SEPTIN9: variants seen among roughly 807,000 people sequenced by gnomAD.
SEPTIN9 encodes the protein septin-9.
Under a neutral mutation model 56.6 loss-of-function variants are expected in SEPTIN9, and 13 were observed. The ratio of observed to expected loss-of-function variants is 0.23; its 90% CI spans 0.15 to 0.37. SEPTIN9 has a LOEUF of 0.37. Among genes scored for constraint, SEPTIN9 ranks in the 10% least tolerant of loss-of-function variants. SEPTIN9 has a pLI of 1.00. For synonymous variants in SEPTIN9, 332 were observed against 334.1 expected, an observed-to-expected ratio of 0.99 and a Z score of 0.07; for missense variants, 650 against 823.1, an observed-to-expected ratio of 0.79 and a Z score of 2.57.
At chr17:77,409,747 G>A (rs140674629) in intron 3 of SEPTIN9, among the ~76,000 whole-genome samples, 27 of 152,334 alleles carry the variant, frequency 1.8e-4, no homozygotes, top group South Asian at 4.1e-4. Flanking sequence ...GGGATTGAGG[G>A]TCTGCACAAT....
At chr17:77,320,040 C>T in intron 2 of SEPTIN9, 1 of 1,377,718 alleles carries the variant, frequency 7.3e-7, no homozygotes, top group Non-Finnish European at 9.4e-7. Context: ...TCTCCTGCCT[C>T]CTATTTTTGG....
chr17:77,350,333 A>C (rs550325971), intron 2 of SEPTIN9, among the ~76,000 whole-genome samples: 1 of 152,258 alleles, frequency 6.6e-6, no homozygotes, highest in East Asian at 1.9e-4. Context: ...AAAGGCAGAA[A>C]CTCACCCTTC....
rs981294872 is a variant in SEPTIN9 at position 77,369,209 on chromosome 17, G to A, written c.77-32850G>A. 6.6e-5 allele frequency among the ~76,000 whole-genome samples: 10 copies of A among 152,142 alleles called. No individual in the cohort carries two copies. The highest frequency in any genetic ancestry group is 4.1e-4 in the South Asian group (2 of 4,832). On this transcript the variant is annotated intron_variant, in intron 2 of 11. Coordinates refer to ENST00000427177, the MANE Select transcript of SEPTIN9 (RefSeq NM_001113491.2). This position sits in a 1 kb window ranked among gnomAD's most constrained non-coding sequence, Gnocchi z 4.9. Reference sequence around the variant, plus strand: ...GGATTGCCCCACTGCACTCCAGACCGGGTGACAGAGTGAGACCCTGTCAAA... The same window carrying A: ...GGATTGCCCCACTGCACTCCAGACCAGGTGACAGAGTGAGACCCTGTCAAA...
intron 1 of SEPTIN9, among the ~76,000 whole-genome samples, chr17:77,303,386 C>G (rs2032140066): frequency 1.3e-5 from 2 of 151,158 alleles, no homozygotes; most frequent in Admixed American, 1.3e-4. Flanking sequence ...GCGTGAGTCA[C>G]CATGCCTGGC....
At position 77,443,661 on chromosome 17, in the gene SEPTIN9, G is replaced by A. The variant is rs2037630535; in HGVS notation, c.722-38483G>A. ...TACAAAAAAAAATTAGCTTGGCGTG[G>A]CGGCGCATGCTTGTAATCCCAGCTA... is the stretch of plus-strand genomic sequence containing the variant. On this transcript the variant is annotated intron_variant, in intron 3 of 11. Transcript: ENST00000427177. 2.6e-5 allele frequency among the ~76,000 whole-genome samples: 4 copies of A among 152,190 alleles called. No individual in the cohort carries two copies. In the South Asian group the frequency reaches 8.3e-4, roughly 32 times the overall value.
At chr17:77,377,479 A>G (rs2034974036) in intron 2 of SEPTIN9, among the ~76,000 whole-genome samples, 1 of 151,962 alleles carries the variant, frequency 6.6e-6, no homozygotes, top group Non-Finnish European at 1.5e-5. Context: ...ACACCGAGAA[A>G]GAATCCAAAA....
chr17:77,402,275 C>T lies in SEPTIN9; in HGVS notation c.293C>T (p.Pro98Leu). ...ASLRRVELSG[P>L]KAAEPVSRRT... ...CTGCGGAGGGTGGAGCTCTCGGGCC[C>T]CAAGGCGGCCGAGCCGGTGTCCCGG... Residue 98 changes from proline to leucine, a missense_variant, in exon 3 of 12, where the codon CCC becomes CTC. Physicochemically the swap from Pro to Leu is moderately conservative, Grantham distance 98 (BLOSUM62 -3). Around this residue, in one of 2 missense-constraint regions of SEPTIN9, gnomAD observed 317 missense variants for 329.1 expected, o/e 0.96. Coordinates refer to ENST00000427177, the MANE Select transcript of SEPTIN9 (RefSeq NM_001113491.2). The surrounding 1 kb of genome is among the most constrained non-coding windows in gnomAD (Gnocchi z 6.6). The T allele has an allele frequency of 6.2e-7, 1 of 1,612,126 alleles. No individual in the cohort carries two copies. Among genetic ancestry groups the T allele is most frequent in the Non-Finnish European group, 8.5e-7 (1 of 1,179,748 alleles).
In SEPTIN9 at chr17:77,499,667, C is replaced by T. The variant is rs1036122889; in HGVS notation, c.*1009C>T. 1.2e-5 allele frequency: 5 copies of T among 419,296 alleles called. No individual in the cohort carries two copies. The highest frequency in any genetic ancestry group is 2.2e-5 in the South Asian group (1 of 45,034). The allele number at this position is 419,296 out of a possible 1,614,324, so 26.0% of individuals were successfully genotyped here. ...AAGTGTGTGTGTGTCCATGTGTATG[C>T]GTGTCCGTCTGTCTGTCTAGTGTCT... On this transcript the variant is annotated 3_prime_UTR_variant, in exon 12 of 12. Coordinates refer to ENST00000427177, the MANE Select transcript of SEPTIN9 (RefSeq NM_001113491.2).
At position 77,400,529 on chromosome 17, in the gene SEPTIN9, AG is replaced by A. The variant is rs1213420866; in HGVS notation, c.77-1525del. On this transcript the variant is annotated intron_variant, in intron 2 of 11. Transcript: ENST00000427177. This position sits in a 1 kb window ranked among gnomAD's most constrained non-coding sequence, Gnocchi z 4.1. ...GCTGGCAGCTGAGGCGGCCAGGGTT[AG>A]GGGGTTGGGCTTCCTCTTCCCCTCC... 1.3e-5 allele frequency: 2 copies of A among 152,112 alleles called. No homozygotes were observed. Among genetic ancestry groups the A allele is most frequent in the Non-Finnish European group, 2.9e-5 (2 of 68,048 alleles). The allele number at this position is 152,112 out of a possible 1,614,324, so 9.4% of individuals were successfully genotyped here.
intron 3 of SEPTIN9, among the ~76,000 whole-genome samples, chr17:77,466,953 CTG>C (rs1263616071): frequency 1.3e-5 from 2 of 152,142 alleles, no homozygotes; most frequent in African/African-American, 4.8e-5. Context: ...CGGCTGGGCT[CTG>C]TGGGGGTCAG....
chr17:77,455,863 C>T (rs72896182), intron 3 of SEPTIN9, among the ~76,000 whole-genome samples: 1,580 of 152,332 alleles, frequency 0.01, 11 homozygotes, highest in Middle Eastern at 0.031. Context: ...GACAGTCTCA[C>T]AAGAATCTCC....
In SEPTIN9 at chr17:77,467,223, C is replaced by T. The variant is rs73375396; in HGVS notation, c.722-14921C>T. 2.4e-3 allele frequency among the ~76,000 whole-genome samples: 371 copies of T among 152,336 alleles called. 2 individuals are homozygous for T. Among genetic ancestry groups the T allele is most frequent in the African/African-American group, 8.5e-3 (353 of 41,572 alleles). ...CTAGCTCTCCGTGGCATGTCTTCCA[C>T]GCGGTGCTTGGGGACCAGTGGCCTC... is the stretch of plus-strand genomic sequence containing the variant. On this transcript the variant is annotated intron_variant, in intron 3 of 11. Coordinates refer to ENST00000427177, the MANE Select transcript of SEPTIN9 (RefSeq NM_001113491.2).
chr17:77,475,437 A>T lies in SEPTIN9; in HGVS notation c.722-6707A>T. The T allele has an allele frequency of 6.6e-7, 1 of 1,518,598 alleles. No homozygotes were observed. The highest frequency in any genetic ancestry group is 8.8e-7 in the Non-Finnish European group (1 of 1,137,110). 94.1% of individuals were successfully genotyped at this position (1,518,598 alleles called of 1,614,324 possible). On this transcript the variant is annotated intron_variant, in intron 3 of 11. Transcript: ENST00000427177. This position sits in a 1 kb window ranked among gnomAD's most constrained non-coding sequence, Gnocchi z 4.6. ...ACACTGTCCTCCTAGCATTGCCTGCATCAGGGACTCACTCAGCTTTAAGAA... is the reference window on the plus strand; with the variant it reads ...ACACTGTCCTCCTAGCATTGCCTGCTTCAGGGACTCACTCAGCTTTAAGAA...
At chr17:77,478,429 C>A (rs1436942279) in intron 3 of SEPTIN9, among the ~76,000 whole-genome samples, 1 of 152,198 alleles carries the variant, frequency 6.6e-6, no homozygotes, top group African/African-American at 2.4e-5. Context: ...GATATTTGTA[C>A]ACCCACATTC....
At position 77,319,861 on chromosome 17, in the gene SEPTIN9, C is replaced by T. The variant is rs2032840697; in HGVS notation, c.76+12664C>T. Reference sequence around the variant, plus strand: ...TCTCCAAGTGGATATTAAAAAGGAGCAGCAAGCCTCGGGGCGGCGGGGGCT... The same window carrying T: ...TCTCCAAGTGGATATTAAAAAGGAGTAGCAAGCCTCGGGGCGGCGGGGGCT... On this transcript the variant is annotated intron_variant, in intron 2 of 11. Coordinates refer to ENST00000427177, the MANE Select transcript of SEPTIN9 (RefSeq NM_001113491.2). The surrounding 1 kb of genome is among the most constrained non-coding windows in gnomAD (Gnocchi z 5.3). 9.1e-7 allele frequency: 1 copy of T among 1,094,170 alleles called. No individual in the cohort carries two copies. The highest frequency in any genetic ancestry group is 4.7e-5 in the Admixed American group (1 of 21,286). 67.8% of individuals were successfully genotyped at this position (1,094,170 alleles called of 1,614,324 possible).
At position 77,488,844 on chromosome 17, in the gene SEPTIN9, C is replaced by T. The variant is rs763092290; in HGVS notation, c.1242C>T (p.Phe414=). The T allele has an allele frequency of 1.9e-6, 3 of 1,613,576 alleles. No homozygotes were observed. The East Asian group carries it at 6.7e-5, about 36-fold the overall frequency. ...CCCGCGTCCACTGCTGCCTCTACTT[C>T]ATCCCCGCCACCGGCCACTCGTACG... ...PDTRVHCCLY[F]IPATGHSLRP... Residue 414 remains phenylalanine, a synonymous_variant, in exon 7 of 12, where the codon TTC becomes TTT. Coordinates refer to ENST00000427177, the MANE Select transcript of SEPTIN9 (RefSeq NM_001113491.2).
rs1016767933 is a variant in SEPTIN9, at chr17:77,330,431, C to T, written c.76+23234C>T. On this transcript the variant is annotated intron_variant, in intron 2 of 11. Transcript: ENST00000427177. This position sits in a 1 kb window ranked among gnomAD's most constrained non-coding sequence, Gnocchi z 4.4. Reference sequence around the variant, plus strand: ...CCCTCATGTTGATGTGGGCCCTGAGCCATAATCTCACCAGCTCCTGAGTTT... The same window carrying T: ...CCCTCATGTTGATGTGGGCCCTGAGTCATAATCTCACCAGCTCCTGAGTTT... Among the ~76,000 whole-genome samples, 7 of 152,282 alleles carry T rather than the reference C, an allele frequency of 4.6e-5. No homozygotes were observed. Among genetic ancestry groups the T allele is most frequent in the African/African-American group, 1.7e-4 (7 of 41,552 alleles).
chr17:77,490,896 G>A (rs1191081148), intron 8 of SEPTIN9, 37 bp downstream of exon 8: 6 of 1,489,928 alleles, frequency 4.0e-6, no homozygotes, highest in Non-Finnish European at 5.5e-6. Context: ...GCCCTTCTGT[G>A]CAACCTGGAG....
rs942402987 is a variant in SEPTIN9 at position 77,433,737 on chromosome 17, G to A, written c.721+31034G>A. On this transcript the variant is annotated intron_variant, in intron 3 of 11. Transcript: ENST00000427177. This position sits in a 1 kb window ranked among gnomAD's most constrained non-coding sequence, Gnocchi z 6.4. ...GCCGGGACCTTCTCCTGCACCTCCC[G>A]AACCCCCGTTCCCTGTGAGTTAGAT... is the stretch of plus-strand genomic sequence containing the variant. 6.6e-6 allele frequency among the ~76,000 whole-genome samples: 1 copy of A among 152,094 alleles called. No individual in the cohort carries two copies. The highest frequency in any genetic ancestry group is 1.5e-5 in the Non-Finnish European group (1 of 68,004).
Sources: allele counts gnomAD v4.1 joint callset (sites outside exome capture counted in the v4.1 genomes callset), GRCh38; gene constraint gnomAD v4.1.1; regional missense constraint gnomAD v4.1.1; non-coding constraint Gnocchi (gnomAD v3.1); transcripts MANE v1.5; gene names NCBI Gene and HGNC (gene_info 2026-07-23, HGNC 2026-07-21).